Variants in GNA13 observed in about 807,000 individuals in gnomAD.
GNA13 encodes guanine nucleotide-binding protein subunit alpha-13.
A neutral mutation model predicts 33.5 loss-of-function variants in GNA13; 4 were observed. The ratio of observed to expected loss-of-function variants is 0.12; its 90% CI spans 0.06 to 0.27. The LOEUF (loss-of-function observed/expected upper bound fraction) is 0.27. GNA13 is among the 10% of genes least tolerant of loss of function. The probability of loss-of-function intolerance (pLI) is 1.00; values close to 1 mark genes in which losing one functional copy is unlikely to be tolerated. For missense variants in GNA13, 319 were observed against 487.2 expected, an observed-to-expected ratio of 0.65 and a Z score of 3.25; for synonymous variants, 176 against 183.8, an observed-to-expected ratio of 0.96 and a Z score of 0.34.
chr17:65,038,561 C>G (rs1397066738), intron 2 of GNA13, among the ~76,000 whole-genome samples: 3 of 152,160 alleles, frequency 2.0e-5, no homozygotes, highest in Non-Finnish European at 4.4e-5. Flanking sequence ...CAGGCATACA[C>G]CATCGTACCC....
chr17:65,035,414 TC>T, intron 2 of GNA13, among the ~76,000 whole-genome samples: 1 of 152,268 alleles, frequency 6.6e-6, no homozygotes, highest in South Asian at 2.1e-4. Context: ...AACAAGCTTA[TC>T]TCAACATCCA....
chr17:65,046,158 A>T (rs1907653639), intron 2 of GNA13, among the ~76,000 whole-genome samples: 1 of 152,216 alleles, frequency 6.6e-6, no homozygotes, highest in Non-Finnish European at 1.5e-5. Flanking sequence ...TTTTAAATAT[A>T]GCACTATATG....
intron 2 of GNA13, among the ~76,000 whole-genome samples, chr17:65,027,242 CCTGT>C (rs376379105): frequency 1.1e-4 from 16 of 152,054 alleles, no homozygotes; most frequent in African/African-American, 3.4e-4. Flanking sequence ...CCAAAGTGCA[CCTGT>C]CTTTCTCAAA....
At chr17:65,032,071 G>GT (rs1036292836) in intron 2 of GNA13, among the ~76,000 whole-genome samples, 1 of 152,028 alleles carries the variant, frequency 6.6e-6, no homozygotes, top group Non-Finnish European at 1.5e-5. Flanking sequence ...GCTGTTCATT[G>GT]TAACAGTAGG....
intron 2 of GNA13, among the ~76,000 whole-genome samples, chr17:65,041,944 G>A (rs1040985215): frequency 3.3e-5 from 5 of 152,188 alleles, no homozygotes; most frequent in African/African-American, 1.2e-4. Context: ...ATTTTCAAAT[G>A]ACATTTGATT....
Position 65,056,350 on chromosome 17 carries a change from C to G in GNA13, c.244G>C (p.Glu82Gln), listed in dbSNP as rs1369137082. 1 of 1,609,074 alleles carries G rather than the reference C, an allele frequency of 6.2e-7. No homozygotes were observed. The highest frequency in any genetic ancestry group is 1.1e-5 in the South Asian group (1 of 90,962). ...HGQDFDQRAR[E>Q]EFRPTIYSNV... is the part of the protein sequence containing the mutation. ...CTGTAGATGGTGGGGCGGAACTCCTCGCGCGCGCGCTGGTCGAAGTCCTGC... is the reference window on the plus strand; with the variant it reads ...CTGTAGATGGTGGGGCGGAACTCCTGGCGCGCGCGCTGGTCGAAGTCCTGC... Residue 82 changes from glutamate to glutamine, a missense_variant, in exon 1 of 4, where the codon GAG (glutamate) becomes CAG (glutamine). Coordinates refer to ENST00000439174, the MANE Select transcript of GNA13 (RefSeq NM_006572.6).
intron 2 of GNA13, among the ~76,000 whole-genome samples, chr17:65,040,642 C>T (rs986259162): frequency 2.6e-5 from 4 of 151,940 alleles, no homozygotes; most frequent in East Asian, 3.9e-4. Context: ...TACAGGTGCC[C>T]GCCACCACGC....
rs1048905622 is a variant in GNA13, at chr17:65,053,677, T to C, written c.335A>G (p.Asp112Gly). 1.9e-6 allele frequency: 3 copies of C among 1,613,942 alleles called. No homozygotes were observed. Among genetic ancestry groups the C allele is most frequent in the African/African-American group, 2.7e-5 (2 of 74,898 alleles). ...AREKLHIPWG[D>G]NSNQQHGDKM... ...ATCTCCATGTTGTTGGTTTGAGTTGTCTCCCCAGGGAATATGAAGCTTCTC... is the reference window on the plus strand; with the variant it reads ...ATCTCCATGTTGTTGGTTTGAGTTGCCTCCCCAGGGAATATGAAGCTTCTC... The change falls in exon 2 of 4, where the codon GAC becomes GGC. Residue 112 changes from aspartate to glycine, a missense_variant. Asp to Gly is a moderately conservative substitution (Grantham distance 94). Coordinates refer to ENST00000439174, the MANE Select transcript of GNA13 (RefSeq NM_006572.6).
Position 65,034,012 on chromosome 17 carries a change from C to CAAAAAAA in GNA13, c.511-15716_511-15710dup, listed in dbSNP as rs780895691. 3.5e-3 allele frequency among the ~76,000 whole-genome samples: 176 copies of CAAAAAAA among 50,068 alleles called. 27 individuals are homozygous for CAAAAAAA. The highest frequency in any genetic ancestry group is 3.8e-3 in the Non-Finnish European group (120 of 31,252). 32.8% of individuals were successfully genotyped at this position (50,068 alleles called of 152,430 possible). On this transcript the variant is annotated intron_variant, in intron 2 of 3. Transcript: ENST00000439174. ...TGGGCAACAGAGCAGGACTCCGTCT[C>CAAAAAAA]AAAAAAAAAAAAAAAAAAAAAAAAA...
chr17:65,017,144 T>C (rs1266922703), intron 3 of GNA13, among the ~76,000 whole-genome samples: 1 of 152,220 alleles, frequency 6.6e-6, no homozygotes, highest in East Asian at 1.9e-4. Context: ...ACCCGACTGC[T>C]TTCTAGAAGG....
intron 2 of GNA13, among the ~76,000 whole-genome samples, chr17:65,031,921 A>AGAGAGAGAGAGTGTGTGTGT (rs770161529): frequency 1.4e-4 from 13 of 91,694 alleles, no homozygotes; most frequent in South Asian, 3.2e-4. Flanking sequence ...AGAGAGAGAG[A>AGAGAGAGAGAGTGTGTGTGT]GTGTGTGTGT....
Position 65,053,590 on chromosome 17 carries a change from A to T in GNA13, c.422T>A (p.Val141Asp), listed in dbSNP as rs1276007470. ...MAAQGMVETR[V>D]FLQYLPAIRA... is the part of the protein sequence containing the mutation. ...TATAGCAGGAAGATATTGTAAGAAA[A>T]CCCTTGTTTCCACCATTCCTTGGGC... The change falls in exon 2 of 4, where the codon GTT becomes GAT. Residue 141 changes from valine (V) to aspartate (D), a missense_variant. Physicochemically the swap from Val to Asp is radical, Grantham distance 152. Around this residue, in one of 4 missense-constraint regions of GNA13, gnomAD observed 136 missense variants for 159.3 expected, o/e 0.85. Transcript: ENST00000439174. The T allele has an allele frequency of 1.2e-6, 2 of 1,613,772 alleles. No individual in the cohort carries two copies. Among genetic ancestry groups the T allele is most frequent in the Non-Finnish European group, 1.7e-6 (2 of 1,179,754 alleles).
chr17:65,049,522 ATGAC>A (rs1468078581), intron 2 of GNA13, among the ~76,000 whole-genome samples: 1 of 152,238 alleles, frequency 6.6e-6, no homozygotes, highest in Admixed American at 6.5e-5. Flanking sequence ...GGACTTCTAC[ATGAC>A]TGACAGCCAC....
intron 2 of GNA13, among the ~76,000 whole-genome samples, chr17:65,039,526 T>A (rs866970695): frequency 3.4e-4 from 52 of 152,286 alleles, no homozygotes; most frequent in African/African-American, 1.2e-3. Context: ...CTGGCCTGGA[T>A]CACGTTTTCT....
intron 2 of GNA13, among the ~76,000 whole-genome samples, chr17:65,037,596 T>C (rs4791243): frequency 0.78 from 118,160 of 151,584 alleles, 49,959 homozygotes; most frequent in East Asian, 0.98. Context: ...TGCTAGGATC[T>C]CCTCCTCTGA....
In GNA13 at chr17:65,014,679, C is replaced by T. The variant is rs749049765; in HGVS notation, c.712G>A (p.Asp238Asn). 26 of 1,614,030 alleles carry T rather than the reference C, an allele frequency of 1.6e-5. No homozygotes were observed. The highest frequency in any genetic ancestry group is 4.0e-5 in the African/African-American group (3 of 74,922). Residue 238 changes from aspartate to asparagine, a missense_variant, in exon 4 of 4, where the codon GAC becomes AAC. By Grantham distance (23) the Asp-to-Asn change is conservative. Transcript: ENST00000439174. This position sits in a 1 kb window ranked among gnomAD's most constrained non-coding sequence, Gnocchi z 5.3. ...AGGAAAAGTATTGATGTCACACTGT[C>T]GAAACATTCAAACCAACGTTTCCTT... ...SERKRWFECF[D>N]SVTSILFLVS... is the part of the protein sequence containing the mutation.
intron 2 of GNA13, among the ~76,000 whole-genome samples, chr17:65,027,379 C>T (rs1383487191): frequency 1.4e-5 from 2 of 146,420 alleles, no homozygotes; most frequent in Non-Finnish European, 1.5e-5. Context: ...AATTCCTAGG[C>T]TCAAGCAGTC....
At position 65,016,581 on chromosome 17, in the gene GNA13, C is replaced by T. The variant is rs559546526; in HGVS notation, c.561+1672G>A. Among the ~76,000 whole-genome samples, 434 of 152,252 alleles carry T rather than the reference C, an allele frequency of 2.9e-3. 2 individuals carry two copies. Among genetic ancestry groups the T allele is most frequent in the African/African-American group, 9.8e-3 (406 of 41,544 alleles). On this transcript the variant is annotated intron_variant, in intron 3 of 3. Transcript: ENST00000439174. ...TTCACCATTTTGGCCAGGCTGGTCT[C>T]GAACTCCTGACCTCAAGTGATCCTC...
At chr17:65,055,290 CA>C (rs1908005022) in intron 1 of GNA13, among the ~76,000 whole-genome samples, 1 of 152,108 alleles carries the variant, frequency 6.6e-6, no homozygotes, top group South Asian at 2.1e-4. Flanking sequence ...TTTCAAATGA[CA>C]AAATAAAAAC....
Sources: allele counts gnomAD v4.1 joint callset (sites outside exome capture counted in the v4.1 genomes callset), GRCh38; gene constraint gnomAD v4.1.1; regional missense constraint gnomAD v4.1.1; non-coding constraint Gnocchi (gnomAD v3.1); transcripts MANE v1.5; gene names NCBI Gene and HGNC (gene_info 2026-07-23, HGNC 2026-07-21).